The following TRAPPC9 variants were observed in gnomAD, a reference collection of about 807,000 sequenced individuals.
TRAPPC9 encodes trafficking protein particle complex subunit 9, also known as IKK2 binding protein.
TRAPPC9 carries 83 observed loss-of-function variants against 124.0 expected under a neutral mutation model. The ratio of observed to expected loss-of-function variants is 0.67; its 90% CI spans 0.56 to 0.80. The LOEUF (loss-of-function observed/expected upper bound fraction) is 0.80, where lower values mean the gene tolerates loss of function less well. Among genes scored for constraint, TRAPPC9 ranks in the 30% least tolerant of loss-of-function variants. The pLI, the probability that TRAPPC9 is intolerant of heterozygous loss-of-function variation, is 0.00. For missense variants in TRAPPC9, 1,302 were observed against 1,508.3 expected (o/e 0.86, Z 2.27); for synonymous variants, 638 against 617.5 (o/e 1.03, Z -0.49).
chr8:140,408,676 G>A (rs937993384), intron 5 of TRAPPC9, among the ~76,000 whole-genome samples: 2 of 152,064 alleles, frequency 1.3e-5, no homozygotes, highest in African/African-American at 4.8e-5. Flanking sequence ...GGAATGGCAG[G>A]AAGACAAGGC....
intron 17 of TRAPPC9, chr8:140,095,671 G>C (rs1340685483): frequency 6.6e-6 from 1 of 152,158 alleles, no homozygotes; most frequent in Non-Finnish European, 1.5e-5. Flanking sequence ...ATGTATTAAA[G>C]GGCGTGACGT....
intron 15 of TRAPPC9, among the ~76,000 whole-genome samples, chr8:140,253,514 C>A (rs1047501742): frequency 5.3e-5 from 8 of 151,818 alleles, no homozygotes; most frequent in African/African-American, 1.9e-4. Context: ...CCCATCTCTA[C>A]AAAAAAATAC....
chr8:140,368,883 A>G (rs567567075), intron 8 of TRAPPC9, among the ~76,000 whole-genome samples: 1 of 152,330 alleles, frequency 6.6e-6, no homozygotes, highest in African/African-American at 2.4e-5. Flanking sequence ...CCTCATCTCT[A>G]AAAAATAAAA....
chr8:140,318,934 G>A lies in TRAPPC9; in HGVS notation c.1496-7560C>T, dbSNP rs188485259. On this transcript the variant is annotated intron_variant, in intron 9 of 22. Coordinates refer to ENST00000438773, the MANE Select transcript of TRAPPC9 (RefSeq NM_001160372.4). ...CCACATATACCCAGTGTTACCATAA[G>A]AGGAATAAAAGGACACAAGGCCGTG... 1.1e-4 allele frequency among the ~76,000 whole-genome samples: 16 copies of A among 152,252 alleles called. No homozygotes were observed. In the East Asian group the frequency reaches 3.1e-3, roughly 29 times the overall value.
At chr8:140,228,724 C>G (rs1055984841) in intron 16 of TRAPPC9, among the ~76,000 whole-genome samples, 1 of 152,206 alleles carries the variant, frequency 6.6e-6, no homozygotes, top group Non-Finnish European at 1.5e-5. Flanking sequence ...TTGTTCTAAA[C>G]TTAGACTGTG....
chr8:140,329,880 C>A (rs1019037811), intron 9 of TRAPPC9, among the ~76,000 whole-genome samples: 1 of 152,044 alleles, frequency 6.6e-6, no homozygotes, highest in Non-Finnish European at 1.5e-5. Flanking sequence ...GAGTTTGAGA[C>A]CAGCGTGGCC....
chr8:140,025,116 A>C (rs956750016), intron 17 of TRAPPC9, among the ~76,000 whole-genome samples: 2 of 152,220 alleles, frequency 1.3e-5, no homozygotes, highest in Admixed American at 1.3e-4. Context: ...GAAGGGGAAC[A>C]TTACAGCTTC....
intron 21 of TRAPPC9, among the ~76,000 whole-genome samples, chr8:139,854,199 C>T (rs1052093348): frequency 3.3e-5 from 5 of 152,170 alleles, no homozygotes; most frequent in African/African-American, 9.7e-5. Flanking sequence ...CTCAGGAGGT[C>T]GAGTTCTTCC....
intron 17 of TRAPPC9, among the ~76,000 whole-genome samples, chr8:140,162,005 C>T (rs1395405692): frequency 6.6e-6 from 1 of 152,156 alleles, no homozygotes; most frequent in Non-Finnish European, 1.5e-5. Flanking sequence ...CCTGAAGGTG[C>T]CTCTGTGGAC....
intron 9 of TRAPPC9, among the ~76,000 whole-genome samples, chr8:140,349,949 A>G (rs1357901447): frequency 6.6e-6 from 1 of 152,146 alleles, no homozygotes; most frequent in Non-Finnish European, 1.5e-5. Flanking sequence ...GATGATTTAC[A>G]TCCTCTAAGT....
intron 2 of TRAPPC9, among the ~76,000 whole-genome samples, chr8:140,446,433 G>A (rs2071261870): frequency 6.6e-6 from 1 of 152,144 alleles, no homozygotes; most frequent in Non-Finnish European, 1.5e-5. Context: ...AAAGGAAAGT[G>A]GTCACTTATA....
At chr8:139,916,709 G>A (rs1180406829) in intron 19 of TRAPPC9, 2 of 152,222 alleles carry the variant, frequency 1.3e-5, no homozygotes, top group African/African-American at 4.8e-5. Flanking sequence ...GATTTTTGAA[G>A]AGTCTATAAA....
At chr8:140,304,510 C>T (rs539411592) in intron 10 of TRAPPC9, among the ~76,000 whole-genome samples, 37 of 152,244 alleles carry the variant, frequency 2.4e-4, no homozygotes, top group African/African-American at 8.7e-4. Context: ...AGCACCTTGG[C>T]CTAATCCATA....
At chr8:139,934,470 CA>C (rs1010260413) in intron 19 of TRAPPC9, among the ~76,000 whole-genome samples, 2 of 152,214 alleles carry the variant, frequency 1.3e-5, no homozygotes, top group African/African-American at 4.8e-5. Context: ...TTCATTCTTC[CA>C]ATCTCTTGTA....
intron 14 of TRAPPC9, among the ~76,000 whole-genome samples, chr8:140,276,957 C>T (rs948751368): frequency 6.6e-6 from 1 of 152,128 alleles, no homozygotes; most frequent in Non-Finnish European, 1.5e-5. Flanking sequence ...CCAGAAATGG[C>T]TCATGAAGTC....
rs112750135 is a variant in TRAPPC9, at chr8:140,190,230, A to G, written c.2556+31229T>C. Among the ~76,000 whole-genome samples, 1,133 of 152,228 alleles carry G rather than the reference A, an allele frequency of 7.4e-3. 18 individuals are homozygous for G. The highest frequency in any genetic ancestry group is 0.026 in the African/African-American group (1,086 of 41,552). On this transcript the variant is annotated intron_variant, in intron 17 of 22. Transcript: ENST00000438773. ...CAGCACTTTGGGAGGCTGAGGCTGG[A>G]GGATCACTTGAGGTCAGGAGTTCGA...
At chr8:139,926,763 T>C (rs1832845174) in intron 19 of TRAPPC9, among the ~76,000 whole-genome samples, 2 of 151,596 alleles carry the variant, frequency 1.3e-5, no homozygotes, top group South Asian at 4.2e-4. Context: ...TGGAGAACAG[T>C]AGAATGGAGG....
chr8:140,272,407 A>G (rs1447746805), intron 15 of TRAPPC9, among the ~76,000 whole-genome samples: 7 of 133,488 alleles, frequency 5.2e-5, no homozygotes, highest in South Asian at 4.9e-4. Flanking sequence ...CGATGGTGAT[A>G]ATGGTGATGG....
intron 17 of TRAPPC9, among the ~76,000 whole-genome samples, chr8:140,122,892 G>A (rs2061013796): frequency 6.6e-6 from 1 of 152,220 alleles, no homozygotes; most frequent in African/African-American, 2.4e-5. Context: ...AGAAACATGG[G>A]ATCCACAGCC....
Sources: gnomAD v4.1 joint callset for allele counts (sites outside exome capture counted in the v4.1 genomes callset) on GRCh38, gnomAD v4.1.1 for gene constraint, MANE v1.5 for transcripts, NCBI Gene and HGNC (gene_info 2026-07-23, HGNC 2026-07-21) for gene names.